The following ECT2L variants were observed in gnomAD, a reference collection of about 807,000 sequenced individuals.
The protein encoded by ECT2L is epithelial cell-transforming sequence 2 oncogene-like.
ECT2L carries 126 observed loss-of-function variants against 122.8 expected under a neutral mutation model. The observed-to-expected ratio is 1.03, with a 90% CI of 0.89 to 1.19. ECT2L has a LOEUF of 1.19. Ranked by LOEUF, ECT2L falls within the 50% of genes most tolerant of loss-of-function variation. The pLI is 0.00. For missense variants in ECT2L, 1,012 were observed against 1,064.1 expected, an observed-to-expected ratio of 0.95 and a Z score of 0.68; for synonymous variants, 385 against 381.8, an observed-to-expected ratio of 1.01 and a Z score of -0.10.
At chr6:138,895,974 T>A (rs1423362160) in intron 20 of ECT2L, among the ~76,000 whole-genome samples, 1 of 152,210 alleles carries the variant, frequency 6.6e-6, no homozygotes, top group African/African-American at 2.4e-5. Context: ...CAGAGGGCAA[T>A]TTGTTCCTCT....
intron 5 of ECT2L, among the ~76,000 whole-genome samples, chr6:138,841,887 T>C (rs1777051699): frequency 6.6e-6 from 1 of 152,214 alleles, no homozygotes; most frequent in African/African-American, 2.4e-5. Flanking sequence ...TCAAAATGGC[T>C]GAATATTGGC....
intron 12 of ECT2L, among the ~76,000 whole-genome samples, chr6:138,866,457 G>A (rs557569134): frequency 6.6e-6 from 1 of 152,188 alleles, no homozygotes; most frequent in Non-Finnish European, 1.5e-5. Flanking sequence ...CACCATGTTG[G>A]CCAGGCTGGT....
Position 138,888,566 on chromosome 6 carries a change from G to A in ECT2L, c.2326-377G>A, listed in dbSNP as rs137906786. On this transcript the variant is annotated intron_variant, in intron 19 of 21. Transcript: ENST00000541398. ...TGACCTCAGGTGATCCACCCACCTC[G>A]GCCTTCCAAAGTGCTGGGATTACAG... is the stretch of plus-strand genomic sequence containing the variant. Among the ~76,000 whole-genome samples, 945 of 151,926 alleles carry A rather than the reference G, an allele frequency of 6.2e-3. 20 individuals are homozygous for A. The highest frequency in any genetic ancestry group is 0.043 in the Admixed American group (660 of 15,252).
At chr6:138,815,970 A>G (rs1416604157) in intron 4 of ECT2L, among the ~76,000 whole-genome samples, 2 of 152,162 alleles carry the variant, frequency 1.3e-5, no homozygotes, top group Non-Finnish European at 2.9e-5. Context: ...GACTCTCCCC[A>G]TGGAGTCACT....
At chr6:138,813,122 C>A in intron 2 of ECT2L, 50 bp from the exon 3 acceptor site, 1 of 547,652 alleles carries the variant, frequency 1.8e-6, no homozygotes, top group East Asian at 2.9e-5. Context: ...ATGTGAATTT[C>A]TATAATTATA....
chr6:138,867,655 C>CAA (rs71009601), intron 12 of ECT2L, among the ~76,000 whole-genome samples: 21 of 114,410 alleles, frequency 1.8e-4, no homozygotes, highest in African/African-American at 3.7e-4. Flanking sequence ...CCTAAAACTA[C>CAA]AAAAAAAAAA....
chr6:138,838,566 G>A, intron 5 of ECT2L, 52 bp downstream of exon 5: 2 of 1,542,498 alleles, frequency 1.3e-6, no homozygotes, highest in Non-Finnish European at 1.7e-6. Context: ...GCTGTAATCT[G>A]TAATGAGGCT....
rs746265275 is a variant in ECT2L at position 138,844,678 on chromosome 6, T to C, written c.764+98T>C. On this transcript the variant is annotated intron_variant, in intron 7 of 21. Transcript: ENST00000541398. ...CTATCACGCAGAAATCTTGTGTAAT[T>C]CTGTGGCTCATATCCTATGAAATAT... 121 of 1,153,824 alleles carry C rather than the reference T, an allele frequency of 1.0e-4. 1 individual carries two copies. The highest frequency in any genetic ancestry group is 1.3e-4 in the Non-Finnish European group (102 of 805,052). The allele number at this position is 1,153,824 out of a possible 1,614,324, so 71.5% of individuals were successfully genotyped here.
intron 1 of ECT2L, among the ~76,000 whole-genome samples, chr6:138,798,424 C>T (rs532805665): frequency 2.0e-5 from 3 of 152,166 alleles, no homozygotes; most frequent in East Asian, 1.9e-4. Flanking sequence ...CAAGGGATTT[C>T]GGAGCTCTGT....
chr6:138,815,564 A>G (rs1468510693), intron 4 of ECT2L, among the ~76,000 whole-genome samples: 2 of 152,224 alleles, frequency 1.3e-5, no homozygotes, highest in African/African-American at 4.8e-5. Context: ...ATAGAATACT[A>G]TTTCTGAAAC....
At chr6:138,844,707 T>A in intron 7 of ECT2L, 127 bp downstream of exon 7, 1 of 814,648 alleles carries the variant, frequency 1.2e-6, no homozygotes, top group Non-Finnish European at 1.9e-6. Flanking sequence ...GAAATATCAG[T>A]AAAGATAATT....
At position 138,903,470 on chromosome 6, in the gene ECT2L, T is replaced by C. The variant is rs1489704051; in HGVS notation, c.*843T>C. Reference sequence around the variant, plus strand: ...ACTCCTCTAGAGAGCATTAAAGATATACCACTACAAAGTACTAAAAAGTTT... The same window carrying C: ...ACTCCTCTAGAGAGCATTAAAGATACACCACTACAAAGTACTAAAAAGTTT... On this transcript the variant is annotated 3_prime_UTR_variant, in exon 22 of 22. Transcript: ENST00000541398. 1.3e-5 allele frequency: 2 copies of C among 152,184 alleles called. No homozygotes were observed. The highest frequency in any genetic ancestry group is 6.5e-5 in the Admixed American group (1 of 15,268). 9.4% of individuals were successfully genotyped at this position (152,184 alleles called of 1,614,324 possible).
At chr6:138,875,750 T>C (rs970001711) in intron 13 of ECT2L, among the ~76,000 whole-genome samples, 1 of 152,222 alleles carries the variant, frequency 6.6e-6, no homozygotes, top group African/African-American at 2.4e-5. Flanking sequence ...TTTTGTGAGC[T>C]TTTCCTTCTG....
chr6:138,802,022 C>T (rs964162852), intron 1 of ECT2L, among the ~76,000 whole-genome samples: 9 of 152,196 alleles, frequency 5.9e-5, no homozygotes, highest in East Asian at 1.9e-4. Context: ...TCTGAGGTTA[C>T]GCCACACAAG....
chr6:138,832,998 C>T (rs969687691), intron 4 of ECT2L, among the ~76,000 whole-genome samples: 1 of 151,942 alleles, frequency 6.6e-6, no homozygotes, highest in African/African-American at 2.4e-5. Context: ...GAAGGGGAAG[C>T]AGGCACATCT....
intron 4 of ECT2L, among the ~76,000 whole-genome samples, chr6:138,835,764 C>T (rs1482477643): frequency 6.6e-6 from 1 of 152,136 alleles, no homozygotes; most frequent in African/African-American, 2.4e-5. Context: ...ATACTACATC[C>T]ACCCTGCAGA....
intron 4 of ECT2L, among the ~76,000 whole-genome samples, 162 bp from the exon 5 acceptor site, chr6:138,838,190 C>T (rs140341747): frequency 6.6e-5 from 10 of 152,296 alleles, no homozygotes; most frequent in Admixed American, 5.2e-4. Flanking sequence ...GCATGAGCCA[C>T]GGCACCTGGC....
At chr6:138,803,317 TACACACAC>T (rs4052918) in intron 1 of ECT2L, among the ~76,000 whole-genome samples, 4 of 148,476 alleles carry the variant, frequency 2.7e-5, no homozygotes, top group Non-Finnish European at 4.5e-5. Context: ...TATATGCATG[TACACACAC>T]ACACACACAC....
rs529800089 is a variant in ECT2L at position 138,873,525 on chromosome 6, G to T, written c.1579-2947G>T. On this transcript the variant is annotated intron_variant, in intron 13 of 21. Transcript: ENST00000541398. ...AAAGACCCTTCCAGCCGGGAGCAGC[G>T]GCTCACGCCTGTAATCCCGGCACTT... Among the ~76,000 whole-genome samples, 4 of 152,364 alleles carry T rather than the reference G, an allele frequency of 2.6e-5. No homozygotes were observed. In the South Asian group the frequency reaches 8.3e-4, roughly 32 times the overall value.
Sources: allele counts gnomAD v4.1 joint callset (sites outside exome capture counted in the v4.1 genomes callset), GRCh38; gene constraint gnomAD v4.1.1; transcripts MANE v1.5; gene names NCBI Gene and HGNC (gene_info 2026-07-23, HGNC 2026-07-21).